RABEP1: variants seen among roughly 807,000 people sequenced by gnomAD.
RABEP1 encodes the protein rab GTPase-binding effector protein 1.
A neutral mutation model predicts 123.4 loss-of-function variants in RABEP1; 51 were observed. The ratio of observed to expected loss-of-function variants is 0.41; its 90% CI spans 0.33 to 0.52. RABEP1 has a LOEUF of 0.52. Among genes scored for constraint, RABEP1 ranks in the 20% least tolerant of loss-of-function variants. The pLI, the probability that RABEP1 is intolerant of heterozygous loss-of-function variation, is 0.16. For missense variants in RABEP1, 888 were observed against 996.3 expected, an observed-to-expected ratio of 0.89 and a Z score of 1.46; for synonymous variants, 347 against 355.2, an observed-to-expected ratio of 0.98 and a Z score of 0.26.
chr17:5,367,605 C>T (rs1450955278), intron 11 of RABEP1, among the ~76,000 whole-genome samples: 2 of 148,516 alleles, frequency 1.3e-5, no homozygotes, highest in Non-Finnish European at 3.0e-5. Flanking sequence ...GTATGGATAG[C>T]CAATTTCTGT....
Position 5,383,252 on chromosome 17 carries a change from C to G in RABEP1, c.*29C>G. 1 of 1,578,078 alleles carries G rather than the reference C, an allele frequency of 6.3e-7. No homozygotes were observed. Among genetic ancestry groups the G allele is most frequent in the Non-Finnish European group, 8.7e-7 (1 of 1,147,396 alleles). ...CCTCATGGCAGGATTCTAGCCTGCA[C>G]TTTGGGTTTTTAACTCATCTTTAGA... is the stretch of plus-strand genomic sequence containing the variant. On this transcript the variant is annotated 3_prime_UTR_variant, in exon 18 of 18. Transcript: ENST00000537505.
chr17:5,299,574 A>G (rs1210425907), intron 1 of RABEP1, among the ~76,000 whole-genome samples: 3 of 125,836 alleles, frequency 2.4e-5, no homozygotes, highest in African/African-American at 6.1e-5. Context: ...TTGCCCTTAT[A>G]TTACGTGGTT....
intron 4 of RABEP1, chr17:5,336,655 CATATTT>C: frequency 3.3e-6 from 1 of 307,688 alleles, no homozygotes; most frequent in Non-Finnish European, 6.2e-6. Flanking sequence ...ATTGTGAAGT[CATATTT>C]ATATTAATAA....
chr17:5,287,471 C>T (rs765075423), intron 1 of RABEP1, among the ~76,000 whole-genome samples: 8 of 151,782 alleles, frequency 5.3e-5, no homozygotes, highest in Non-Finnish European at 8.8e-5. Flanking sequence ...TGGTGGCACG[C>T]GCCTGTAATC....
At chr17:5,310,696 A>G (rs1379665342) in intron 2 of RABEP1, among the ~76,000 whole-genome samples, 1 of 152,100 alleles carries the variant, frequency 6.6e-6, no homozygotes, top group African/African-American at 2.4e-5. Flanking sequence ...GAATAGCTTT[A>G]TAGCCGAAAT....
chr17:5,307,198 G>A (rs1567871959), intron 1 of RABEP1, among the ~76,000 whole-genome samples: 1 of 152,108 alleles, frequency 6.6e-6, no homozygotes. Context: ...CATGCCTGTA[G>A]TCCCAGCTAA....
At chr17:5,353,363 C>T (rs1435586533) in intron 7 of RABEP1, among the ~76,000 whole-genome samples, 2 of 152,192 alleles carry the variant, frequency 1.3e-5, no homozygotes, top group Admixed American at 1.3e-4. Context: ...CATTGTTTTT[C>T]TCCTTCTTTA....
chr17:5,293,577 T>C (rs1183140022), intron 1 of RABEP1, among the ~76,000 whole-genome samples: 1 of 152,078 alleles, frequency 6.6e-6, no homozygotes, highest in Non-Finnish European at 1.5e-5. Context: ...TAGGTAATTT[T>C]TGTATTTTTT....
intron 8 of RABEP1, among the ~76,000 whole-genome samples, chr17:5,360,378 T>TG (rs1909399944): frequency 6.6e-6 from 1 of 152,152 alleles, no homozygotes; most frequent in South Asian, 2.1e-4. Flanking sequence ...CTGGCCAACA[T>TG]GGTGAAACCC....
Position 5,386,060 on chromosome 17 carries a change from T to C in RABEP1, c.*2837T>C. 4.9e-6 allele frequency: 3 copies of C among 606,482 alleles called. No homozygotes were observed. Among genetic ancestry groups the C allele is most frequent in the Non-Finnish European group, 8.7e-6 (3 of 345,866 alleles). 37.6% of individuals were successfully genotyped at this position (606,482 alleles called of 1,614,324 possible). ...TTAAATAAAAGCATTTACTCAATTATTATAAAACAACATATTTAAAAAGAT... is the reference window on the plus strand; with the variant it reads ...TTAAATAAAAGCATTTACTCAATTACTATAAAACAACATATTTAAAAAGAT... On this transcript the variant is annotated 3_prime_UTR_variant, in exon 18 of 18. Coordinates refer to ENST00000537505, the MANE Select transcript of RABEP1 (RefSeq NM_004703.6).
chr17:5,364,064 T>C (rs1909803666), intron 10 of RABEP1, among the ~76,000 whole-genome samples: 1 of 152,256 alleles, frequency 6.6e-6, no homozygotes, highest in South Asian at 2.1e-4. Flanking sequence ...CAAATGTCAT[T>C]GCTATTGAGT....
rs535879058 is a variant in RABEP1 at position 5,367,299 on chromosome 17, T to A, written c.1786-1071T>A. On this transcript the variant is annotated intron_variant, in intron 11 of 17. Transcript: ENST00000537505. ...TGTAGATAAGGGTAAAACTTTTTTG[T>A]CTCGCTGTGTCGCCCAGGCTAGAGT... 2.0e-5 allele frequency among the ~76,000 whole-genome samples: 3 copies of A among 151,404 alleles called. No homozygotes were observed. The South Asian group carries it at 6.3e-4, about 32-fold the overall frequency.
At position 5,282,322 on chromosome 17, in the gene RABEP1, C is replaced by A; in HGVS notation, c.-165C>A. 2.1e-6 allele frequency: 1 copy of A among 473,870 alleles called. No homozygotes were observed. Among genetic ancestry groups the A allele is most frequent in the South Asian group, 7.8e-5 (1 of 12,822 alleles). The allele number at this position is 473,870 out of a possible 1,614,324, so 29.4% of individuals were successfully genotyped here. The stretch of plus-strand genomic sequence containing the variant: ...GGCGGAGGTCGGCGGTCGGGTCCGT[C>A]TCTGCCCGCGGCTGTGGCGGCGCCG... On this transcript the variant is annotated 5_prime_UTR_variant, in exon 1 of 18. Coordinates refer to ENST00000537505, the MANE Select transcript of RABEP1 (RefSeq NM_004703.6).
At chr17:5,322,361 GAAAA>G (rs890384926) in intron 2 of RABEP1, among the ~76,000 whole-genome samples, 2 of 150,264 alleles carry the variant, frequency 1.3e-5, no homozygotes, top group African/African-American at 4.9e-5. Context: ...TGTCTCAAAA[GAAAA>G]AAAAGAAAAG....
chr17:5,305,515 T>C (rs1247149245), intron 1 of RABEP1, among the ~76,000 whole-genome samples: 1 of 152,182 alleles, frequency 6.6e-6, no homozygotes, highest in Non-Finnish European at 1.5e-5. Flanking sequence ...ATTATAAATA[T>C]ATTAATGTTG....
chr17:5,305,418 G>T (rs1290812536), intron 1 of RABEP1, among the ~76,000 whole-genome samples: 2 of 152,290 alleles, frequency 1.3e-5, no homozygotes, highest in South Asian at 2.1e-4. Flanking sequence ...CCATGAAGGG[G>T]TTGGGAGTAA....
intron 3 of RABEP1, among the ~76,000 whole-genome samples, chr17:5,332,756 G>GCC: frequency 6.6e-6 from 1 of 151,842 alleles, no homozygotes; most frequent in East Asian, 1.9e-4. Context: ...TTACAAGCAT[G>GCC]TGCCACCACG....
At chr17:5,358,116 T>C (rs1238013301) in intron 8 of RABEP1, among the ~76,000 whole-genome samples, 1 of 152,116 alleles carries the variant, frequency 6.6e-6, no homozygotes, top group Non-Finnish European at 1.5e-5. Context: ...GAGTTGTTTA[T>C]TATCTCTAGA....
At chr17:5,374,621 AT>A (rs1157989940) in intron 13 of RABEP1, among the ~76,000 whole-genome samples, 6 of 150,814 alleles carry the variant, frequency 4.0e-5, no homozygotes, top group Admixed American at 6.6e-5. Context: ...CTGTATTTTT[AT>A]TTTTTTTATT....
Sources: allele counts gnomAD v4.1 joint callset (sites outside exome capture counted in the v4.1 genomes callset), GRCh38; gene constraint gnomAD v4.1.1; transcripts MANE v1.5; gene names NCBI Gene and HGNC (gene_info 2026-07-23, HGNC 2026-07-21).